The following NAV2 variants were observed in gnomAD, a reference collection of about 807,000 sequenced individuals.
NAV2 encodes neuron navigator 2, also known as helicase, APC down-regulated 1.
A neutral mutation model predicts 223.2 loss-of-function variants in NAV2; 54 were observed. The ratio of observed to expected loss-of-function variants is 0.24; its 90% CI spans 0.19 to 0.30. NAV2 has a LOEUF of 0.30. Among genes scored for constraint, NAV2 ranks in the 10% least tolerant of loss-of-function variants. The probability of loss-of-function intolerance (pLI) is 1.00; values close to 1 mark genes in which losing one functional copy is unlikely to be tolerated. For missense variants in NAV2, 2,806 were observed against 3,147.5 expected (o/e 0.89, Z 2.60); for synonymous variants, 1,279 against 1,239.3 (o/e 1.03, Z -0.67).
intron 6 of NAV2, among the ~76,000 whole-genome samples, chr11:19,932,253 A>AG (rs1361768934): frequency 1.2e-4 from 18 of 149,216 alleles, no homozygotes; most frequent in African/African-American, 3.5e-4. Context: ...AAAAAAAAAA[A>AG]AAAAAAAGAA....
chr11:19,917,021 A>G (rs918052772), intron 6 of NAV2, among the ~76,000 whole-genome samples: 1 of 152,250 alleles, frequency 6.6e-6, no homozygotes, highest in Admixed American at 6.5e-5. Context: ...TAAGGCCAGG[A>G]GGAAGAAATG....
chr11:19,885,877 C>G (rs928355239), intron 5 of NAV2, among the ~76,000 whole-genome samples: 2 of 152,170 alleles, frequency 1.3e-5, no homozygotes, highest in African/African-American at 4.8e-5. Flanking sequence ...GTGTGTTAGC[C>G]TCTAGGTGCC....
chr11:19,428,052 G>T (rs1422322277), intron 1 of NAV2, among the ~76,000 whole-genome samples: 3 of 151,918 alleles, frequency 2.0e-5, no homozygotes, highest in Admixed American at 2.0e-4. Flanking sequence ...AAATTAGAAA[G>T]AACTTCTTTA....
intron 1 of NAV2, among the ~76,000 whole-genome samples, chr11:19,622,160 A>C (rs1249809024): frequency 6.6e-6 from 1 of 152,174 alleles, no homozygotes; most frequent in Non-Finnish European, 1.5e-5. Flanking sequence ...TTTGCTGAGG[A>C]GTGCTTTACT....
At chr11:19,696,094 A>G (rs1474848313) in intron 1 of NAV2, among the ~76,000 whole-genome samples, 9 of 152,104 alleles carry the variant, frequency 5.9e-5, no homozygotes, top group Non-Finnish European at 1.3e-4. Flanking sequence ...ATGCCCCCAT[A>G]ACCTTCTCCT....
intron 10 of NAV2, among the ~76,000 whole-genome samples, chr11:19,974,737 G>C (rs959560690): frequency 3.9e-5 from 6 of 152,182 alleles, no homozygotes; most frequent in Admixed American, 2.0e-4. Flanking sequence ...AGTCTACCTT[G>C]GGTGACAAAG....
chr11:19,802,711 CA>C (rs35777344), intron 1 of NAV2, among the ~76,000 whole-genome samples: 216 of 116,998 alleles, frequency 1.8e-3, no homozygotes, highest in East Asian at 4.3e-3. Context: ...CCCTGTCTCT[CA>C]AAAAAAAAAA....
At chr11:19,602,829 C>G (rs1165126369) in intron 1 of NAV2, among the ~76,000 whole-genome samples, 1 of 30 alleles carries the variant, frequency 0.033, no homozygotes, top group East Asian at 0.5. Context: ...CTAGGATAAT[C>G]TCATCTATAC....
chr11:19,834,518 C>G lies in NAV2; in HGVS notation c.385+1917C>G, dbSNP rs144495728. 6.9e-3 allele frequency among the ~76,000 whole-genome samples: 1,052 copies of G among 151,830 alleles called. 11 individuals carry two copies. The highest frequency in any genetic ancestry group is 0.024 in the African/African-American group (1,009 of 41,386). On this transcript the variant is annotated intron_variant, in intron 2 of 37. Transcript: ENST00000349880. ...TGTACTCCTTGCTAAGAATAAATAACAAATGTGGAAGGCTGAGACCTCAGA... is the reference window on the plus strand; with the variant it reads ...TGTACTCCTTGCTAAGAATAAATAAGAAATGTGGAAGGCTGAGACCTCAGA...
chr11:19,458,361 C>G (rs771348629), intron 1 of NAV2, among the ~76,000 whole-genome samples: 1 of 152,160 alleles, frequency 6.6e-6, no homozygotes, highest in African/African-American at 2.4e-5. Flanking sequence ...GGTGGGGGAT[C>G]CTTTACTTGC....
At chr11:19,951,133 G>C (rs545770479) in intron 10 of NAV2, among the ~76,000 whole-genome samples, 8 of 152,170 alleles carry the variant, frequency 5.3e-5, no homozygotes, top group Non-Finnish European at 8.8e-5. Flanking sequence ...GGGGAAAAAG[G>C]GTTCTGATTT....
rs181477792 is a variant in NAV2, at chr11:19,920,920, A to G, written c.932-12256A>G. Among the ~76,000 whole-genome samples the G allele has an allele frequency of 3.0e-4, 45 of 152,304 alleles. No individual in the cohort carries two copies. In the East Asian group the frequency reaches 7.5e-3, roughly 25 times the overall value. ...ATGGGTGCTTCATTTGCAAAACCTC[A>G]ATCTACCACCAACTTGTCACAGCCA... On this transcript the variant is annotated intron_variant, in intron 6 of 37. Transcript: ENST00000349880.
intron 2 of NAV2, among the ~76,000 whole-genome samples, chr11:19,842,444 G>A (rs1443674212): frequency 1.3e-5 from 2 of 152,208 alleles, no homozygotes; most frequent in African/African-American, 2.4e-5. Flanking sequence ...AAGATGGAGT[G>A]AGATGCTTTC....
At chr11:19,452,445 C>A (rs917079066) in intron 1 of NAV2, among the ~76,000 whole-genome samples, 2 of 152,130 alleles carry the variant, frequency 1.3e-5, no homozygotes, top group Non-Finnish European at 2.9e-5. Flanking sequence ...GGTTCCTTGT[C>A]TAGCCACCAT....
intron 1 of NAV2, among the ~76,000 whole-genome samples, chr11:19,500,809 C>A (rs1406943841): frequency 6.6e-6 from 1 of 152,210 alleles, no homozygotes; most frequent in African/African-American, 2.4e-5. Flanking sequence ...CAGGCTGGGT[C>A]ACACAGCTAG....
chr11:19,620,023 TC>T (rs1410545438), intron 1 of NAV2, among the ~76,000 whole-genome samples: 1 of 152,210 alleles, frequency 6.6e-6, no homozygotes, highest in Non-Finnish European at 1.5e-5. Context: ...AGGGATCCTT[TC>T]CCCATTTCTT....
intron 1 of NAV2, among the ~76,000 whole-genome samples, chr11:19,720,992 T>G (rs1483554931): frequency 6.6e-6 from 1 of 152,232 alleles, no homozygotes; most frequent in Non-Finnish European, 1.5e-5. Context: ...AAGGCACCTG[T>G]TTAAGCATCT....
intron 22 of NAV2, among the ~76,000 whole-genome samples, chr11:20,076,938 A>G (rs1464315942): frequency 6.6e-6 from 1 of 152,212 alleles, no homozygotes; most frequent in Non-Finnish European, 1.5e-5. Flanking sequence ...GAACTGGGAA[A>G]CATTTCTCTG....
intron 1 of NAV2, among the ~76,000 whole-genome samples, chr11:19,605,948 A>G (rs10766574): frequency 1 from 152,027 of 152,352 alleles, 75,852 homozygotes; most frequent in Middle Eastern, 1. Flanking sequence ...GATTACTCCA[A>G]GAAATCCAGG....
Sources: allele counts gnomAD v4.1 joint callset (sites outside exome capture counted in the v4.1 genomes callset), GRCh38; gene constraint gnomAD v4.1.1; transcripts MANE v1.5; gene names NCBI Gene and HGNC (gene_info 2026-07-23, HGNC 2026-07-21).